Variants in TNIK observed in about 807,000 individuals in gnomAD.
TNIK encodes TRAF2 and NCK interacting kinase, also known as TRAF2 and NCK-interacting protein kinase.
Under a neutral mutation model 191.3 loss-of-function variants are expected in TNIK, and 49 were observed. The observed-to-expected ratio is 0.26, with a 90% CI of 0.20 to 0.32. The LOEUF (loss-of-function observed/expected upper bound fraction) is 0.32, where lower values mean the gene tolerates loss of function less well. TNIK is among the 10% of genes least tolerant of loss of function. The pLI, the probability that TNIK is intolerant of heterozygous loss-of-function variation, is 1.00. For missense variants in TNIK, 1,155 were observed against 1,702.3 expected, an observed-to-expected ratio of 0.68 and a Z score of 5.66; for synonymous variants, 594 against 600.9, an observed-to-expected ratio of 0.99 and a Z score of 0.17.
At chr3:171,111,450 A>G (rs1315817152) in intron 18 of TNIK, among the ~76,000 whole-genome samples, 2 of 151,648 alleles carry the variant, frequency 1.3e-5, no homozygotes, top group African/African-American at 4.8e-5. Flanking sequence ...ACCCCACCAA[A>G]CCACAATGAG....
At chr3:171,326,654 T>C (rs185005892) in intron 2 of TNIK, among the ~76,000 whole-genome samples, 1 of 152,242 alleles carries the variant, frequency 6.6e-6, no homozygotes, top group East Asian at 1.9e-4. Context: ...AATTTCTAAA[T>C]CTGTAGGTCT....
intron 3 of TNIK, among the ~76,000 whole-genome samples, chr3:171,225,078 A>G (rs1742805072): frequency 2.6e-5 from 4 of 152,222 alleles, no homozygotes; most frequent in Non-Finnish European, 5.9e-5. Context: ...AGGTCATAGC[A>G]TGTAATTAAC....
chr3:171,129,811 G>A (rs1381072848), intron 15 of TNIK, among the ~76,000 whole-genome samples: 1 of 152,214 alleles, frequency 6.6e-6, no homozygotes, highest in Non-Finnish European at 1.5e-5. Context: ...GACTGCCTCG[G>A]AGGGCAATTT....
chr3:171,126,033 T>C lies in TNIK; in HGVS notation c.1892A>G (p.His631Arg). 6.2e-7 allele frequency: 1 copy of C among 1,613,924 alleles called. No individual in the cohort carries two copies. Among genetic ancestry groups the C allele is most frequent in the South Asian group, 1.1e-5 (1 of 91,082 alleles). The change falls in exon 17 of 33, where the codon CAC becomes CGC. Residue 631 changes from histidine to arginine, a missense_variant. Physicochemically the swap from His to Arg is conservative, Grantham distance 29 (BLOSUM62 0). Transcript: ENST00000436636. ...GFQEALNVTS[H>R]RVEMPRQNSD... ...GTTCTGGCGTGGCATCTCCACGCGG[T>C]GGGAGGTCACGTTCAGAGCCTCCTG...
At chr3:171,103,208 T>C (rs1321344537) in intron 21 of TNIK, among the ~76,000 whole-genome samples, 1 of 151,690 alleles carries the variant, frequency 6.6e-6, no homozygotes, top group Non-Finnish European at 1.5e-5. Context: ...ATTTGCACAT[T>C]TGCACATGCC....
chr3:171,296,620 G>A (rs973811000), intron 2 of TNIK, among the ~76,000 whole-genome samples: 4 of 152,172 alleles, frequency 2.6e-5, no homozygotes, highest in East Asian at 1.9e-4. Flanking sequence ...AGGATGTTTA[G>A]GACTTGCTTT....
At chr3:171,217,346 T>C (rs186759793) in intron 3 of TNIK, among the ~76,000 whole-genome samples, 10 of 152,056 alleles carry the variant, frequency 6.6e-5, no homozygotes, top group African/African-American at 2.2e-4. Flanking sequence ...GTGCTAAGCA[T>C]TGGGTACAGA....
rs558393720 is a variant in TNIK at position 171,096,552 on chromosome 3, C to T, written c.2592-2584G>A. ...TTAACTTATAAAAGTTTCCTATGTA[C>T]ATTATGCTAGAAAATCCCTGGTGAC... On this transcript the variant is annotated intron_variant, in intron 22 of 32. Coordinates refer to ENST00000436636, the MANE Select transcript of TNIK (RefSeq NM_015028.4). Among the ~76,000 whole-genome samples the T allele has an allele frequency of 1.5e-4, 23 of 152,214 alleles. 1 individual carries two copies. In the South Asian group the frequency reaches 4.6e-3, roughly 30 times the overall value.
At chr3:171,314,965 A>G (rs1330716345) in intron 2 of TNIK, among the ~76,000 whole-genome samples, 1 of 152,188 alleles carries the variant, frequency 6.6e-6, no homozygotes, top group Non-Finnish European at 1.5e-5. Flanking sequence ...AACTCAATCA[A>G]CAACTGTAAA....
rs144573186 is a variant in TNIK, at chr3:171,446,980, C to G, written c.57+13027G>C. 4.3e-3 allele frequency among the ~76,000 whole-genome samples: 651 copies of G among 152,308 alleles called. 6 individuals are homozygous for G. The highest frequency in any genetic ancestry group is 0.015 in the African/African-American group (619 of 41,564). On this transcript the variant is annotated intron_variant, in intron 1 of 32. Transcript: ENST00000436636. ...CTGAGGCGGGCGGATCACCTGAGGTCAGGGGTTTGAGACCAGCCTGGCCAA... is the reference window on the plus strand; with the variant it reads ...CTGAGGCGGGCGGATCACCTGAGGTGAGGGGTTTGAGACCAGCCTGGCCAA...
At chr3:171,213,375 G>T (rs925897001) in intron 3 of TNIK, among the ~76,000 whole-genome samples, 1 of 152,062 alleles carries the variant, frequency 6.6e-6, no homozygotes, top group Non-Finnish European at 1.5e-5. Context: ...GCAACTACGT[G>T]AGGTAATAAA....
chr3:171,327,969 G>A (rs147619505), intron 2 of TNIK, among the ~76,000 whole-genome samples: 2 of 132,538 alleles, frequency 1.5e-5, no homozygotes, highest in Admixed American at 8.5e-5. Context: ...CCCTATTTCA[G>A]ACCTACTGAA....
chr3:171,263,508 T>A lies in TNIK; in HGVS notation c.124-35287A>T, dbSNP rs1208641746. Reference sequence around the variant, plus strand: ...TTCAAATTTCAATGATGTTGCCTTTTAAAAAATCTCCATTTATTCATTTAT... The same window carrying A: ...TTCAAATTTCAATGATGTTGCCTTTAAAAAAATCTCCATTTATTCATTTAT... On this transcript the variant is annotated intron_variant, in intron 2 of 32. Transcript: ENST00000436636. Among the ~76,000 whole-genome samples, 4 of 152,168 alleles carry A rather than the reference T, an allele frequency of 2.6e-5. No homozygotes were observed. The South Asian group carries it at 8.3e-4, about 32-fold the overall frequency.
chr3:171,303,885 T>C (rs1320650567), intron 2 of TNIK, among the ~76,000 whole-genome samples: 1 of 152,140 alleles, frequency 6.6e-6, no homozygotes, highest in Admixed American at 6.6e-5. Context: ...ACCTATATTA[T>C]GACTGTGAGT....
intron 1 of TNIK, among the ~76,000 whole-genome samples, chr3:171,447,051 C>T (rs1366396614): frequency 1.3e-5 from 2 of 152,010 alleles, no homozygotes; most frequent in East Asian, 1.9e-4. Context: ...ATTAGTTGGG[C>T]GTGGTGGCGA....
intron 15 of TNIK, among the ~76,000 whole-genome samples, chr3:171,132,585 A>G (rs1400406904): frequency 1.3e-5 from 2 of 152,230 alleles, no homozygotes; most frequent in African/African-American, 4.8e-5. Context: ...AATTTTTTAA[A>G]AAGTTAAAAC....
intron 1 of TNIK, among the ~76,000 whole-genome samples, chr3:171,391,167 T>C (rs1200346094): frequency 6.6e-6 from 1 of 152,212 alleles, no homozygotes; most frequent in Non-Finnish European, 1.5e-5. Context: ...TCACCTTCGC[T>C]GGGATGATTT....
intron 1 of TNIK, among the ~76,000 whole-genome samples, chr3:171,439,959 G>A (rs985895318): frequency 1.3e-5 from 2 of 152,148 alleles, no homozygotes; most frequent in African/African-American, 4.8e-5. Flanking sequence ...CGAGGGAAGG[G>A]CCATACTCTC....
chr3:171,249,980 C>T (rs1241567423), intron 2 of TNIK, among the ~76,000 whole-genome samples: 1 of 152,222 alleles, frequency 6.6e-6, no homozygotes, highest in Non-Finnish European at 1.5e-5. Flanking sequence ...GTAGGTGCTA[C>T]TACCACCCCC....
Sources: allele counts gnomAD v4.1 joint callset (sites outside exome capture counted in the v4.1 genomes callset), GRCh38; gene constraint gnomAD v4.1.1; transcripts MANE v1.5; gene names NCBI Gene and HGNC (gene_info 2026-07-23, HGNC 2026-07-21).